The following BACE2 variants were observed in gnomAD, a reference collection of about 807,000 sequenced individuals.
BACE2 encodes 56 kDa aspartic-like protease.
In BACE2, 17 loss-of-function variants were observed where a neutral mutation model predicts 46.2. The observed-to-expected ratio is 0.37, with a 90% CI of 0.25 to 0.55. The LOEUF (loss-of-function observed/expected upper bound fraction) is 0.55, where lower values mean the gene tolerates loss of function less well. BACE2 is among the 20% of genes least tolerant of loss of function. The pLI, the probability that BACE2 is intolerant of heterozygous loss-of-function variation, is 0.82. For synonymous variants in BACE2, 277 were observed against 295.9 expected (o/e 0.94, Z 0.66); for missense variants, 595 against 698.1 (o/e 0.85, Z 1.66).
chr21:41,217,337 T>A (rs1001679857), intron 1 of BACE2, among the ~76,000 whole-genome samples: 1 of 152,230 alleles, frequency 6.6e-6, no homozygotes, highest in East Asian at 1.9e-4. Context: ...TTGCCTAACA[T>A]CCACACTGTC....
At chr21:41,171,001 G>A (rs1343563917) in intron 1 of BACE2, among the ~76,000 whole-genome samples, 1 of 152,140 alleles carries the variant, frequency 6.6e-6, no homozygotes, top group African/African-American at 2.4e-5. Flanking sequence ...AAGAAAGAGG[G>A]AGGGCCAAAA....
intron 1 of BACE2, among the ~76,000 whole-genome samples, chr21:41,203,508 G>A (rs971324919): frequency 6.6e-6 from 1 of 152,158 alleles, no homozygotes; most frequent in Non-Finnish European, 1.5e-5. Context: ...CTATTGTTGA[G>A]AGTTGCCTGG....
chr21:41,253,201 G>T (rs1371955258), intron 7 of BACE2, among the ~76,000 whole-genome samples: 2 of 152,082 alleles, frequency 1.3e-5, no homozygotes, highest in African/African-American at 4.8e-5. Context: ...CAGCACTTTG[G>T]GAGGCTGAGG....
chr21:41,196,639 C>A (rs1398228161), intron 1 of BACE2, among the ~76,000 whole-genome samples: 2 of 152,306 alleles, frequency 1.3e-5, no homozygotes, highest in East Asian at 3.9e-4. Context: ...GTGTCTTTCC[C>A]AAGAAACTTC....
intron 8 of BACE2, among the ~76,000 whole-genome samples, chr21:41,274,976 T>G (rs761305675): frequency 6.6e-6 from 1 of 152,104 alleles, no homozygotes; most frequent in Non-Finnish European, 1.5e-5. Context: ...CTCCTTCTCT[T>G]TCTCCTCTTT....
rs369484338 is a variant in BACE2, at chr21:41,226,371, T to C, written c.401+17T>C. 1 of 1,607,090 alleles carries C rather than the reference T, an allele frequency of 6.2e-7. No individual in the cohort carries two copies. Among genetic ancestry groups the C allele is most frequent in the African/African-American group, 1.3e-5 (1 of 74,626 alleles). On this transcript the variant is annotated intron_variant, in intron 2 of 8. Transcript: ENST00000330333. ...CACAGAGAGGTAAGCGCTGGCCCCTTGGCTGGTGTGCTGGGCCGGGGCACT... is the reference window on the plus strand; with the variant it reads ...CACAGAGAGGTAAGCGCTGGCCCCTCGGCTGGTGTGCTGGGCCGGGGCACT...
At chr21:41,234,116 A>T (rs1279450877) in intron 2 of BACE2, among the ~76,000 whole-genome samples, 1 of 152,110 alleles carries the variant, frequency 6.6e-6, no homozygotes, top group Non-Finnish European at 1.5e-5. Context: ...TTTTCCCCAT[A>T]CACTGTCTTC....
intron 1 of BACE2, among the ~76,000 whole-genome samples, chr21:41,190,770 GTA>G (rs1170341666): frequency 6.6e-6 from 1 of 152,162 alleles, no homozygotes; most frequent in Non-Finnish European, 1.5e-5. Context: ...TGGATCTCCT[GTA>G]TTCCATGAGT....
intron 1 of BACE2, among the ~76,000 whole-genome samples, chr21:41,201,511 G>T (rs1044516216): frequency 2.0e-5 from 3 of 152,232 alleles, no homozygotes; most frequent in Non-Finnish European, 2.9e-5. Flanking sequence ...TAAAACCTAT[G>T]AGGCTTTCAG....
intron 1 of BACE2, among the ~76,000 whole-genome samples, chr21:41,205,600 A>G (rs1305350747): frequency 6.6e-6 from 1 of 152,222 alleles, no homozygotes; most frequent in African/African-American, 2.4e-5. Context: ...TGTGTCTTAC[A>G]TAGTATAATT....
intron 6 of BACE2, among the ~76,000 whole-genome samples, chr21:41,250,448 T>G (rs1166407363): frequency 6.6e-6 from 1 of 152,246 alleles, no homozygotes; most frequent in Non-Finnish European, 1.5e-5. Flanking sequence ...TTGCCTCATC[T>G]GTAAAGTGGT....
intron 8 of BACE2, among the ~76,000 whole-genome samples, chr21:41,271,410 A>C (rs73222300): frequency 1.3e-5 from 2 of 152,206 alleles, no homozygotes; most frequent in Non-Finnish European, 2.9e-5. Context: ...TAACCTAAAA[A>C]GCTTAACATA....
chr21:41,190,151 G>A (rs180919559), intron 1 of BACE2, among the ~76,000 whole-genome samples: 2 of 152,204 alleles, frequency 1.3e-5, no homozygotes, highest in African/African-American at 4.8e-5. Flanking sequence ...TCAATACTTT[G>A]TATCCTTCAA....
rs1366070243 is a variant in BACE2 at position 41,279,350 on chromosome 21, C to T, written c.*3726C>T. On this transcript the variant is annotated 3_prime_UTR_variant, in exon 9 of 9. Coordinates refer to ENST00000330333, the MANE Select transcript of BACE2 (RefSeq NM_012105.5). Reference sequence around the variant, plus strand: ...GTAGCTCGTGCCTGTAATCCCAGCACTTTGGGAGGCCGAGGCAGGTGGATC... The same window carrying T: ...GTAGCTCGTGCCTGTAATCCCAGCATTTTGGGAGGCCGAGGCAGGTGGATC... 1 of 152,194 alleles carries T rather than the reference C, an allele frequency of 6.6e-6. No homozygotes were observed. The highest frequency in any genetic ancestry group is 1.5e-5 in the Non-Finnish European group (1 of 68,026). The allele number at this position is 152,194 out of a possible 1,614,324, so 9.4% of individuals were successfully genotyped here.
intron 1 of BACE2, among the ~76,000 whole-genome samples, chr21:41,191,847 C>G (rs1001423131): frequency 6.6e-6 from 1 of 152,186 alleles, no homozygotes; most frequent in African/African-American, 2.4e-5. Flanking sequence ...TGAGGTCCCC[C>G]GTTGGTGAGC....
At chr21:41,211,035 A>G (rs953611276) in intron 1 of BACE2, among the ~76,000 whole-genome samples, 2 of 152,124 alleles carry the variant, frequency 1.3e-5, no homozygotes, top group African/African-American at 4.8e-5. Flanking sequence ...ATAAGAAGGT[A>G]TTCTTTTCAC....
chr21:41,203,625 A>G (rs1986031783), intron 1 of BACE2, among the ~76,000 whole-genome samples: 1 of 152,166 alleles, frequency 6.6e-6, no homozygotes, highest in African/African-American at 2.4e-5. Flanking sequence ...CTCTGGGCCC[A>G]GAGACACCTG....
chr21:41,246,940 C>T (rs987026526), intron 6 of BACE2, among the ~76,000 whole-genome samples: 13 of 152,298 alleles, frequency 8.5e-5, no homozygotes, highest in African/African-American at 3.1e-4. Flanking sequence ...ATGAAACATG[C>T]AACCACGGCG....
chr21:41,179,423 T>TCAGGGTGAGTGAACGTGTC, intron 1 of BACE2: 1 of 1,300,666 alleles, frequency 7.7e-7, no homozygotes, highest in Non-Finnish European at 1.0e-6. Context: ...AGTGAGGGTG[T>TCAGGGTGAGTGAACGTGTC]CAGGGTGAGT....
Sources: allele counts gnomAD v4.1 joint callset (sites outside exome capture counted in the v4.1 genomes callset), GRCh38; gene constraint gnomAD v4.1.1; transcripts MANE v1.5; gene names NCBI Gene and HGNC (gene_info 2026-07-23, HGNC 2026-07-21).